TUSC3: variants seen among roughly 807,000 people sequenced by gnomAD.
TUSC3 encodes dolichyl-diphosphooligosaccharide--protein glycosyltransferase subunit TUSC3.
TUSC3 carries 45 observed loss-of-function variants against 44.8 expected under a neutral mutation model. That is an observed-to-expected ratio of 1.00 (90% CI 0.79 to 1.29). The LOEUF (loss-of-function observed/expected upper bound fraction) is 1.29, where lower values mean the gene tolerates loss of function less well. Among genes scored for constraint, TUSC3 ranks in the 50% most tolerant of loss-of-function variants. The probability of loss-of-function intolerance (pLI) is 0.00; values close to 1 mark genes in which losing one functional copy is unlikely to be tolerated. For missense variants in TUSC3, 519 were observed against 437.9 expected (o/e 1.19, Z -1.65); for synonymous variants, 212 against 152.9 (o/e 1.39, Z -2.85).
intron 6 of TUSC3, chr8:15,689,430 A>G (rs36061298): frequency 0.21 from 41,589 of 197,566 alleles, 5,417 homozygotes; most frequent in Non-Finnish European, 0.29. Flanking sequence ...CTTGATACCC[A>G]TAGTCTTGCT....
At chr8:15,628,717 T>C (rs964328739) in intron 2 of TUSC3, among the ~76,000 whole-genome samples, 5 of 152,216 alleles carry the variant, frequency 3.3e-5, no homozygotes, top group East Asian at 1.9e-4. Flanking sequence ...CCATGTAGCA[T>C]TGAGATACCG....
intron 6 of TUSC3, among the ~76,000 whole-genome samples, chr8:15,720,233 C>G (rs534019155): frequency 4.1e-4 from 61 of 147,322 alleles, no homozygotes; most frequent in African/African-American, 1.5e-3. Flanking sequence ...CACACACACA[C>G]AGAGAGAACA....
At chr8:15,778,105 A>T in the TUSC3 span, among the ~76,000 whole-genome samples, 1 of 141,664 alleles carries the variant, frequency 7.1e-6, no homozygotes, top group Non-Finnish European at 1.6e-5. Flanking sequence ...AAGGCAAAAA[A>T]AAAAAACAAA....
At chr8:15,627,148 C>T (rs963665980) in intron 2 of TUSC3, among the ~76,000 whole-genome samples, 3 of 152,226 alleles carry the variant, frequency 2.0e-5, no homozygotes, top group Non-Finnish European at 4.4e-5. Flanking sequence ...AGATGGCTAG[C>T]TGCAGAGAGA....
intron 1 of TUSC3, among the ~76,000 whole-genome samples, chr8:15,423,525 T>C (rs538890274): frequency 2.3e-4 from 35 of 152,322 alleles, no homozygotes; most frequent in African/African-American, 8.4e-4. Context: ...ATTTCCGTCT[T>C]CTGGATTTGG....
At chr8:15,564,302 T>C (rs1802585671) in intron 1 of TUSC3, among the ~76,000 whole-genome samples, 1 of 152,084 alleles carries the variant, frequency 6.6e-6, no homozygotes, top group Non-Finnish European at 1.5e-5. Context: ...CTCTAACAGC[T>C]AAAATAAAAA....
intron 2 of TUSC3, among the ~76,000 whole-genome samples, chr8:15,532,907 C>T (rs774781923): frequency 9.9e-5 from 15 of 152,174 alleles, no homozygotes; most frequent in Non-Finnish European, 1.9e-4. Flanking sequence ...ATTCTCCTGC[C>T]TCCACTTCTT....
intron 2 of TUSC3, among the ~76,000 whole-genome samples, chr8:15,628,996 T>C (rs921194690): frequency 6.6e-6 from 1 of 152,332 alleles, no homozygotes; most frequent in South Asian, 2.1e-4. Flanking sequence ...AAGCTAGATT[T>C]CCACAAGGGT....
At chr8:15,508,984 G>A (rs928673019) in intron 2 of TUSC3, among the ~76,000 whole-genome samples, 8 of 152,088 alleles carry the variant, frequency 5.3e-5, no homozygotes, top group East Asian at 1.9e-4. Context: ...CAGAAGTTGC[G>A]CCTGGTAGAG....
At chr8:15,844,142 A>T in the TUSC3 span, among the ~76,000 whole-genome samples, 1 of 152,104 alleles carries the variant, frequency 6.6e-6, no homozygotes, top group Non-Finnish European at 1.5e-5. Flanking sequence ...ATGCACCATG[A>T]CAAACAATTT....
intron 6 of TUSC3, among the ~76,000 whole-genome samples, chr8:15,711,126 T>C (rs1389970076): frequency 6.6e-6 from 1 of 151,704 alleles, no homozygotes; most frequent in Non-Finnish European, 1.5e-5. Flanking sequence ...GCTTTCCCTT[T>C]TTTTTCTTGT....
chr8:15,834,708 T>C, the TUSC3 span, among the ~76,000 whole-genome samples: 1 of 152,184 alleles, frequency 6.6e-6, no homozygotes, highest in Non-Finnish European at 1.5e-5. Flanking sequence ...TCATTCAGTA[T>C]TCTGTTGGCC....
chr8:15,753,755 TGCAGAGATATATA>T (rs754734384), intron 9 of TUSC3, among the ~76,000 whole-genome samples: 1 of 152,024 alleles, frequency 6.6e-6, no homozygotes, highest in Non-Finnish European at 1.5e-5. Flanking sequence ...ACTAAAAGAC[TGCAGAGATATATA>T]GCAGAGATTT....
the TUSC3 span, among the ~76,000 whole-genome samples, chr8:15,847,928 A>C: frequency 6.6e-6 from 1 of 152,198 alleles, no homozygotes; most frequent in African/African-American, 2.4e-5. Flanking sequence ...AAATAAATGA[A>C]ATCATTCTTT....
At chr8:15,458,323 C>T (rs934783672) in intron 1 of TUSC3, among the ~76,000 whole-genome samples, 10 of 152,148 alleles carry the variant, frequency 6.6e-5, no homozygotes, top group Non-Finnish European at 1.5e-4. Flanking sequence ...ACTGCACCCT[C>T]GACCTCTCAG....
chr8:15,615,624 G>A (rs903979880), intron 1 of TUSC3, among the ~76,000 whole-genome samples: 8 of 152,072 alleles, frequency 5.3e-5, no homozygotes. Context: ...GATTTCAGAT[G>A]TTCACAGCAC....
chr8:15,679,285 T>C (rs1375586219), intron 6 of TUSC3, among the ~76,000 whole-genome samples: 1 of 152,058 alleles, frequency 6.6e-6, no homozygotes, highest in Non-Finnish European at 1.5e-5. Context: ...TTGACTTTTC[T>C]GTAATAGCCG....
intron 1 of TUSC3, among the ~76,000 whole-genome samples, chr8:15,469,427 G>A (rs900729416): frequency 6.6e-6 from 1 of 152,120 alleles, no homozygotes; most frequent in African/African-American, 2.4e-5. Context: ...ATGTCATCAT[G>A]AAAAATGCAA....
chr8:15,715,699 G>GA (rs5889599), intron 6 of TUSC3, among the ~76,000 whole-genome samples: 114 of 140,912 alleles, frequency 8.1e-4, no homozygotes, highest in Admixed American at 1.2e-3. Context: ...ATGTAAAACA[G>GA]AAAAAAAAAA....
Sources: allele counts gnomAD v4.1 joint callset (sites outside exome capture counted in the v4.1 genomes callset), GRCh38; gene constraint gnomAD v4.1.1; transcripts MANE v1.5; gene names NCBI Gene and HGNC (gene_info 2026-07-23, HGNC 2026-07-21).